PDZD8: variants seen among roughly 807,000 people sequenced by gnomAD.
PDZD8 encodes PDZ domain-containing protein 8.
A neutral mutation model predicts 85.8 loss-of-function variants in PDZD8; 14 were observed. That is an observed-to-expected ratio of 0.16 (90% CI 0.11 to 0.26). PDZD8 has a LOEUF of 0.26. PDZD8 is among the 10% of genes least tolerant of loss of function. PDZD8 has a pLI of 1.00. For synonymous variants in PDZD8, 592 were observed against 568.6 expected (o/e 1.04, Z -0.59); for missense variants, 1,197 against 1,424.3 (o/e 0.84, Z 2.57).
intron 1 of PDZD8, among the ~76,000 whole-genome samples, chr10:117,350,455 G>A (rs1844786290): frequency 6.6e-6 from 1 of 150,866 alleles, no homozygotes; most frequent in Non-Finnish European, 1.5e-5. Context: ...TAGTAGAGAC[G>A]AGGTTTCACT....
chr10:117,360,571 T>C (rs1231235168), intron 1 of PDZD8, among the ~76,000 whole-genome samples: 2 of 152,028 alleles, frequency 1.3e-5, no homozygotes, highest in Non-Finnish European at 2.9e-5. Flanking sequence ...CATAACAAGG[T>C]ACAGTATAAT....
intron 1 of PDZD8, among the ~76,000 whole-genome samples, chr10:117,369,210 G>A (rs1330368218): frequency 1.3e-5 from 2 of 152,026 alleles, no homozygotes; most frequent in South Asian, 2.1e-4. Flanking sequence ...CCAGGCTGGA[G>A]TGCAGTGGTA....
intron 3 of PDZD8, among the ~76,000 whole-genome samples, chr10:117,293,390 A>G (rs1037099794): frequency 6.6e-6 from 1 of 152,006 alleles, no homozygotes; most frequent in African/African-American, 2.4e-5. Context: ...AACCCTAAAT[A>G]TTTTTCCTGT....
intron 1 of PDZD8, among the ~76,000 whole-genome samples, chr10:117,345,081 G>A (rs1195003364): frequency 6.6e-6 from 1 of 152,170 alleles, no homozygotes. Flanking sequence ...TAGCTCCAGA[G>A]ACCTGGTTCT....
At chr10:117,352,256 A>T (rs1844818159) in intron 1 of PDZD8, among the ~76,000 whole-genome samples, 1 of 152,238 alleles carries the variant, frequency 6.6e-6, no homozygotes, top group Non-Finnish European at 1.5e-5. Flanking sequence ...ATGTAAAAAT[A>T]TGCAGAGGTC....
intron 1 of PDZD8, among the ~76,000 whole-genome samples, chr10:117,367,673 C>T (rs60932634): frequency 0.022 from 3,349 of 152,282 alleles, 128 homozygotes; most frequent in African/African-American, 0.076. Flanking sequence ...GTGGCTCATG[C>T]CTGTAATCCC....
chr10:117,374,066 C>T lies in PDZD8; in HGVS notation c.872+290G>A, dbSNP rs1056575632. ...AGCGACTCCTGGGGATTAGGGTAGG[C>T]TTCCCTTCCATTTCCAATATGCTGC... On this transcript the variant is annotated intron_variant, in intron 1 of 4. Transcript: ENST00000334464. This position sits in a 1 kb window ranked among gnomAD's most constrained non-coding sequence, Gnocchi z 7.8. Among the ~76,000 whole-genome samples the T allele has an allele frequency of 6.6e-6, 1 of 152,222 alleles. No homozygotes were observed. The highest frequency in any genetic ancestry group is 2.4e-5 in the African/African-American group (1 of 41,458).
chr10:117,303,639 G>T (rs1274698113), intron 3 of PDZD8, among the ~76,000 whole-genome samples: 1 of 152,206 alleles, frequency 6.6e-6, no homozygotes, highest in East Asian at 1.9e-4. Flanking sequence ...CAGGCCCAGA[G>T]GCCCAGGAGG....
chr10:117,327,885 C>T (rs943507844), intron 2 of PDZD8, among the ~76,000 whole-genome samples: 1 of 152,104 alleles, frequency 6.6e-6, no homozygotes, highest in African/African-American at 2.4e-5. Flanking sequence ...CTTCTCTTTA[C>T]ATTTCTTCTG....
intron 3 of PDZD8, among the ~76,000 whole-genome samples, chr10:117,309,117 G>A (rs1031187012): frequency 6.6e-6 from 1 of 152,106 alleles, no homozygotes; most frequent in East Asian, 1.9e-4. Flanking sequence ...GTTTTAACTA[G>A]TGAGAATATA....
intron 3 of PDZD8, among the ~76,000 whole-genome samples, chr10:117,304,789 C>A (rs1205367423): frequency 6.6e-6 from 1 of 152,130 alleles, no homozygotes. Flanking sequence ...TAAGAAGTGT[C>A]TTTTGCCTTG....
At chr10:117,340,005 T>C (rs376625246) in intron 2 of PDZD8, among the ~76,000 whole-genome samples, 34 of 152,288 alleles carry the variant, frequency 2.2e-4, no homozygotes, top group African/African-American at 7.9e-4. Flanking sequence ...GGTTGTTATA[T>C]TGGGGACCAG....
chr10:117,333,659 C>T (rs754303322), intron 2 of PDZD8, among the ~76,000 whole-genome samples: 3 of 152,124 alleles, frequency 2.0e-5, no homozygotes, highest in Non-Finnish European at 4.4e-5. Context: ...TAAAATAGCT[C>T]CTCTTGTAAA....
chr10:117,295,607 A>G (rs1260869606), intron 3 of PDZD8, among the ~76,000 whole-genome samples: 1 of 152,192 alleles, frequency 6.6e-6, no homozygotes, highest in East Asian at 1.9e-4. Context: ...AGAAGTATAG[A>G]CTAATCTCTC....
At chr10:117,370,317 A>G (rs1255286726) in intron 1 of PDZD8, among the ~76,000 whole-genome samples, 2 of 152,186 alleles carry the variant, frequency 1.3e-5, no homozygotes, top group African/African-American at 2.4e-5. Context: ...GAAAGCAACC[A>G]CTTGAGCAAC....
In PDZD8 at chr10:117,278,542, T is replaced by G. The variant is rs914203768; in HGVS notation, c.*4726A>C. The G allele has an allele frequency of 3.9e-5, 6 of 152,202 alleles. No individual in the cohort carries two copies. Among genetic ancestry groups the G allele is most frequent in the African/African-American group, 9.7e-5 (4 of 41,440 alleles). 9.4% of individuals were successfully genotyped at this position (152,202 alleles called of 1,614,324 possible). On this transcript the variant is annotated 3_prime_UTR_variant, in exon 5 of 5. Transcript: ENST00000334464. ...CAATTTATGTCATTTTGTTAAGAGA[T>G]ATGACTGGAGTGTGCAGTGTGGAAT...
intron 3 of PDZD8, among the ~76,000 whole-genome samples, chr10:117,290,946 T>G (rs1489202759): frequency 1.4e-5 from 2 of 146,818 alleles, no homozygotes; most frequent in African/African-American, 2.5e-5. Context: ...CCTGGCTCAC[T>G]GCAACCTCCA....
rs568848331 is a variant in PDZD8 at position 117,332,004 on chromosome 10, G to A, written c.995+8976C>T. Among the ~76,000 whole-genome samples, 12 of 152,080 alleles carry A rather than the reference G, an allele frequency of 7.9e-5. No homozygotes were observed. The East Asian group carries it at 2.1e-3, about 27-fold the overall frequency. On this transcript the variant is annotated intron_variant, in intron 2 of 4. Transcript: ENST00000334464. ...CTGAGAGAAATGTATAAAAACTAAC[G>A]GAAAACATCACTCAACTTTTATTTA...
At chr10:117,328,903 T>C (rs189076254) in intron 2 of PDZD8, among the ~76,000 whole-genome samples, 67 of 152,308 alleles carry the variant, frequency 4.4e-4, no homozygotes, top group African/African-American at 1.3e-3. Context: ...ATATCTCCTC[T>C]TGGTATTTGA....
Sources: allele counts gnomAD v4.1 joint callset (sites outside exome capture counted in the v4.1 genomes callset), GRCh38; gene constraint gnomAD v4.1.1; non-coding constraint Gnocchi (gnomAD v3.1); transcripts MANE v1.5; gene names NCBI Gene and HGNC (gene_info 2026-07-23, HGNC 2026-07-21).